SUGCT: variants seen among roughly 807,000 people sequenced by gnomAD.
SUGCT encodes the protein succinyl-CoA:glutarate CoA-transferase.
In SUGCT, 41 loss-of-function variants were observed where a neutral mutation model predicts 55.0. That is an observed-to-expected ratio of 0.74 (90% CI 0.58 to 0.97). The LOEUF (loss-of-function observed/expected upper bound fraction) is 0.97, where lower values mean the gene tolerates loss of function less well. SUGCT is among the 50% of genes least tolerant of loss of function. The probability of loss-of-function intolerance (pLI) is 0.00; values close to 1 mark genes in which losing one functional copy is unlikely to be tolerated. For missense variants in SUGCT, 568 were observed against 547.8 expected (o/e 1.04, Z -0.37); for synonymous variants, 187 against 200.4 (o/e 0.93, Z 0.56).
chr7:40,138,811 G>A lies in SUGCT; in HGVS notation c.100+3691G>A, dbSNP rs1407682774. Among the ~76,000 whole-genome samples, 4 of 152,256 alleles carry A rather than the reference G, an allele frequency of 2.6e-5. No homozygotes were observed. In the South Asian group the frequency reaches 6.2e-4, roughly 24 times the overall value. ...GCAGTACACAGAAATTTTCAGGGAA[G>A]ATTAAAAGGCATGAAAACATGACTC... On this transcript the variant is annotated intron_variant, in intron 1 of 13. Transcript: ENST00000335693.
the SUGCT span, among the ~76,000 whole-genome samples, chr7:40,956,383 C>A: frequency 6.6e-6 from 1 of 152,056 alleles, no homozygotes; most frequent in South Asian, 2.1e-4. Flanking sequence ...GGAATTTATC[C>A]ATTTCTTCTA....
At chr7:40,189,873 T>A (rs1785788075) in intron 5 of SUGCT, among the ~76,000 whole-genome samples, 2 of 152,172 alleles carry the variant, frequency 1.3e-5, no homozygotes, top group Non-Finnish European at 2.9e-5. Context: ...TTATCTCCTC[T>A]AATCCTCAGA....
intron 9 of SUGCT, among the ~76,000 whole-genome samples, chr7:40,414,387 C>T (rs1037997799): frequency 2.6e-5 from 4 of 152,082 alleles, no homozygotes; most frequent in African/African-American, 9.7e-5. Flanking sequence ...TCTAGGTTTT[C>T]AGGTCAAATA....
At chr7:40,416,060 T>G (rs56300567) in intron 9 of SUGCT, among the ~76,000 whole-genome samples, 43 of 152,182 alleles carry the variant, frequency 2.8e-4, no homozygotes, top group African/African-American at 1.0e-3. Context: ...GATTTTTGTT[T>G]ATAATACTTT....
At chr7:40,622,123 T>A (rs1212339223) in intron 12 of SUGCT, among the ~76,000 whole-genome samples, 1 of 152,186 alleles carries the variant, frequency 6.6e-6, no homozygotes, top group Admixed American at 6.5e-5. Flanking sequence ...TCGGATTCAT[T>A]TGGATGTGAG....
chr7:40,838,402 G>A (rs1288834228), intron 13 of SUGCT, among the ~76,000 whole-genome samples: 1 of 152,138 alleles, frequency 6.6e-6, no homozygotes. Context: ...AACACAGTAT[G>A]TCTCTCCATT....
At chr7:40,523,329 C>T (rs752012238) in intron 12 of SUGCT, among the ~76,000 whole-genome samples, 44 of 151,926 alleles carry the variant, frequency 2.9e-4, no homozygotes, top group Non-Finnish European at 5.7e-4. Context: ...ATGTATAATT[C>T]AAATAATTAG....
intron 12 of SUGCT, among the ~76,000 whole-genome samples, chr7:40,497,062 C>G (rs1447311624): frequency 4.6e-5 from 7 of 152,106 alleles, no homozygotes; most frequent in Admixed American, 3.9e-4. Context: ...GATTTTATTA[C>G]TTCAATCAAA....
At chr7:40,264,943 C>T (rs141236964) in intron 7 of SUGCT, among the ~76,000 whole-genome samples, 327 of 152,286 alleles carry the variant, frequency 2.1e-3, no homozygotes, top group African/African-American at 7.3e-3. Flanking sequence ...TCATAAAGTG[C>T]TTTTATACAC....
At chr7:40,378,135 T>G (rs1039606335) in intron 9 of SUGCT, among the ~76,000 whole-genome samples, 1 of 151,106 alleles carries the variant, frequency 6.6e-6, no homozygotes, top group African/African-American at 2.4e-5. Flanking sequence ...CCAAAAAAGA[T>G]GGTACATTTG....
At chr7:40,890,317 T>C in the SUGCT span, among the ~76,000 whole-genome samples, 1 of 128,774 alleles carries the variant, frequency 7.8e-6, no homozygotes, top group African/African-American at 2.8e-5. Flanking sequence ...ATATTTATGT[T>C]ATATAATATA....
chr7:40,829,920 A>C (rs961166923), intron 13 of SUGCT, among the ~76,000 whole-genome samples: 1 of 152,222 alleles, frequency 6.6e-6, no homozygotes, highest in Non-Finnish European at 1.5e-5. Context: ...AATCCAAAAT[A>C]GAATGCTGAC....
chr7:40,851,548 G>A lies in SUGCT; in HGVS notation c.1154-8768G>A, dbSNP rs1346914916. Reference sequence around the variant, plus strand: ...TGAAGTTGATCAGTTCAGCCTCCCAGGTATGGGCATATGAAGCAGTTGAAG... The same window carrying A: ...TGAAGTTGATCAGTTCAGCCTCCCAAGTATGGGCATATGAAGCAGTTGAAG... On this transcript the variant is annotated intron_variant, in intron 13 of 13. Coordinates refer to ENST00000335693, the MANE Select transcript of SUGCT (RefSeq NM_001193313.2). Among the ~76,000 whole-genome samples, 5 of 152,150 alleles carry A rather than the reference G, an allele frequency of 3.3e-5. No individual in the cohort carries two copies. The East Asian group carries it at 9.6e-4, about 29-fold the overall frequency.
intron 13 of SUGCT, among the ~76,000 whole-genome samples, chr7:40,851,704 C>T (rs998986819): frequency 6.6e-6 from 1 of 152,138 alleles, no homozygotes; most frequent in Non-Finnish European, 1.5e-5. Context: ...AGTAAAAGTA[C>T]CTTAATTTAT....
At chr7:40,902,633 A>C in the SUGCT span, among the ~76,000 whole-genome samples, 1 of 152,004 alleles carries the variant, frequency 6.6e-6, no homozygotes, top group African/African-American at 2.4e-5. Context: ...TAATGAGAGC[A>C]GCCTATCTAT....
intron 9 of SUGCT, among the ~76,000 whole-genome samples, chr7:40,328,038 T>C (rs1796105494): frequency 6.6e-6 from 1 of 152,184 alleles, no homozygotes; most frequent in African/African-American, 2.4e-5. Context: ...CATTGTACTG[T>C]ATAGGCAGAT....
Position 40,324,252 on chromosome 7 carries a change from A to AATATATATAT in SUGCT, c.816+7400_816+7409dup, listed in dbSNP as rs61431155. ...ATATATATAAATAAATAAATAAATA[A>AATATATATAT]ATATATATATATTTATTTTTTGAGA... On this transcript the variant is annotated intron_variant, in intron 9 of 13. Transcript: ENST00000335693. Among the ~76,000 whole-genome samples the AATATATATAT allele has an allele frequency of 4.2e-4, 49 of 117,618 alleles. 2 individuals carry two copies. Among genetic ancestry groups the AATATATATAT allele is most frequent in the African/African-American group, 1.6e-3 (44 of 28,174 alleles). The allele number at this position is 117,618 out of a possible 152,430, so 77.2% of individuals were successfully genotyped here.
Position 40,409,557 on chromosome 7 carries a change from G to A in SUGCT, c.817-39730G>A, listed in dbSNP as rs558219350. Reference sequence around the variant, plus strand: ...TTACAGGTATGAGCCACCATACCTGGCCCCTGTTGTCTCTTACTACCTCAG... The same window carrying A: ...TTACAGGTATGAGCCACCATACCTGACCCCTGTTGTCTCTTACTACCTCAG... On this transcript the variant is annotated intron_variant, in intron 9 of 13. Coordinates refer to ENST00000335693, the MANE Select transcript of SUGCT (RefSeq NM_001193313.2). Among the ~76,000 whole-genome samples the A allele has an allele frequency of 1.3e-4, 20 of 152,196 alleles. No homozygotes were observed. In the East Asian group the frequency reaches 3.9e-3, roughly 29 times the overall value.
intron 9 of SUGCT, among the ~76,000 whole-genome samples, chr7:40,397,668 C>T (rs576204624): frequency 6.6e-6 from 1 of 151,904 alleles, no homozygotes; most frequent in African/African-American, 2.4e-5. Flanking sequence ...TGTTTGAATA[C>T]GTAATACAAT....
Sources: gnomAD v4.1 joint callset for allele counts (sites outside exome capture counted in the v4.1 genomes callset) on GRCh38, gnomAD v4.1.1 for gene constraint, MANE v1.5 for transcripts, NCBI Gene and HGNC (gene_info 2026-07-23, HGNC 2026-07-21) for gene names.